Variants in PRKAR1B observed in about 807,000 individuals in gnomAD.
The protein encoded by PRKAR1B is protein kinase cAMP-dependent type I regulatory subunit beta.
A neutral mutation model predicts 46.5 loss-of-function variants in PRKAR1B; 22 were observed. That is an observed-to-expected ratio of 0.47 (90% CI 0.34 to 0.68). PRKAR1B has a LOEUF of 0.68. Among genes scored for constraint, PRKAR1B ranks in the 30% least tolerant of loss-of-function variants. The pLI is 0.01. For synonymous variants in PRKAR1B, 259 were observed against 217.7 expected (o/e 1.19, Z -1.67); for missense variants, 445 against 535.6 (o/e 0.83, Z 1.67).
At chr7:563,623 CTG>C (rs940070765) in intron 9 of PRKAR1B, among the ~76,000 whole-genome samples, 39 of 152,078 alleles carry the variant, frequency 2.6e-4, no homozygotes, top group South Asian at 6.3e-4. Context: ...TGTGTATGCA[CTG>C]TGTGTGTGCA....
chr7:679,374 C>T (rs529672000), intron 3 of PRKAR1B, among the ~76,000 whole-genome samples: 22 of 152,322 alleles, frequency 1.4e-4, no homozygotes, highest in African/African-American at 5.3e-4. Context: ...CCTCGTGTGC[C>T]GTGAGCAGGG....
chr7:579,472 T>A, intron 8 of PRKAR1B, 95 bp from the exon 9 acceptor site: 1 of 1,486,372 alleles, frequency 6.7e-7, no homozygotes, highest in Admixed American at 1.9e-5. Context: ...AAAGGTGTCC[T>A]CAGAAGCAAT....
chr7:575,880 G>T (rs966060395), intron 9 of PRKAR1B, among the ~76,000 whole-genome samples: 1 of 152,190 alleles, frequency 6.6e-6, no homozygotes, highest in Non-Finnish European at 1.5e-5. Context: ...CCCAACAGCC[G>T]CCTTTAATAC....
chr7:615,414 G>A (rs893867060), intron 4 of PRKAR1B, among the ~76,000 whole-genome samples: 5 of 149,158 alleles, frequency 3.4e-5, no homozygotes, highest in Non-Finnish European at 7.4e-5. Flanking sequence ...GACAGAGCGA[G>A]ACTCCGTCTC....
intron 6 of PRKAR1B, among the ~76,000 whole-genome samples, chr7:598,768 A>G (rs1436773022): frequency 6.6e-6 from 1 of 152,202 alleles, no homozygotes; most frequent in Non-Finnish European, 1.5e-5. Flanking sequence ...TTTGCTTGAC[A>G]TGGGAGAGCC....
chr7:560,941 T>G lies in PRKAR1B; in HGVS notation c.892-9471A>C, dbSNP rs541319533. 2.6e-5 allele frequency among the ~76,000 whole-genome samples: 4 copies of G among 152,308 alleles called. No individual in the cohort carries two copies. In the East Asian group the frequency reaches 7.7e-4, roughly 29 times the overall value. ...GAAAATTCAGGCTCACTCCAGTGCC[T>G]TTACGTTTCCTGTGCACACATTTCC... On this transcript the variant is annotated intron_variant, in intron 9 of 10. Coordinates refer to ENST00000537384, the MANE Select transcript of PRKAR1B (RefSeq NM_001164760.2). The surrounding 1 kb of genome is among the most constrained non-coding windows in gnomAD (Gnocchi z 4.2).
At chr7:568,185 C>G (rs1000426405) in intron 9 of PRKAR1B, among the ~76,000 whole-genome samples, 1 of 152,192 alleles carries the variant, frequency 6.6e-6, no homozygotes, top group Non-Finnish European at 1.5e-5. Flanking sequence ...GAGGTCACAG[C>G]CCCCCGTGCC....
intron 1 of PRKAR1B, among the ~76,000 whole-genome samples, chr7:716,034 T>TG (rs200263795): frequency 1.1e-5 from 1 of 90,320 alleles, no homozygotes; most frequent in Non-Finnish European, 2.4e-5. Context: ...TCTTTATATA[T>TG]TTTTTTTTTT....
At chr7:680,403 C>T (rs1358400390) in intron 3 of PRKAR1B, among the ~76,000 whole-genome samples, 153 bp downstream of exon 3, 1 of 152,182 alleles carries the variant, frequency 6.6e-6, no homozygotes, top group Non-Finnish European at 1.5e-5. Flanking sequence ...CCCAGAACTG[C>T]CTCTGCCATC....
chr7:610,351 G>T (rs930131797), intron 4 of PRKAR1B, among the ~76,000 whole-genome samples: 1 of 152,156 alleles, frequency 6.6e-6, no homozygotes, highest in Non-Finnish European at 1.5e-5. Flanking sequence ...ACACACCCAG[G>T]TGCCTGGGCG....
chr7:623,822 G>C (rs189463817), intron 4 of PRKAR1B, among the ~76,000 whole-genome samples: 1 of 152,328 alleles, frequency 6.6e-6, no homozygotes, highest in East Asian at 1.9e-4. Flanking sequence ...CTTGGCATTG[G>C]AGAGAGAAGC....
At chr7:645,255 G>C (rs989812334) in intron 4 of PRKAR1B, among the ~76,000 whole-genome samples, 1 of 152,136 alleles carries the variant, frequency 6.6e-6, no homozygotes, top group African/African-American at 2.4e-5. Flanking sequence ...CCGAAGACGC[G>C]GCAGGAGGGA....
rs542788695 is a variant in PRKAR1B, at chr7:667,816, T to G, written c.440+9413A>C. On this transcript the variant is annotated intron_variant, in intron 4 of 10. Coordinates refer to ENST00000537384, the MANE Select transcript of PRKAR1B (RefSeq NM_001164760.2). This position sits in a 1 kb window ranked among gnomAD's most constrained non-coding sequence, Gnocchi z 4.3. ...GACACTATGCCTCTCACAGATCCTG[T>G]GCAAAGGCCCAGGGAAACCCTTCGA... is the stretch of plus-strand genomic sequence containing the variant. Among the ~76,000 whole-genome samples, 2 of 152,294 alleles carry G rather than the reference T, an allele frequency of 1.3e-5. No homozygotes were observed. Among genetic ancestry groups the G allele is most frequent in the African/African-American group, 4.8e-5 (2 of 41,562 alleles).
At chr7:556,565 C>T (rs374407597) in intron 9 of PRKAR1B, among the ~76,000 whole-genome samples, 31 of 152,330 alleles carry the variant, frequency 2.0e-4, no homozygotes, top group South Asian at 1.4e-3. Flanking sequence ...ACTGCCAAGA[C>T]GGCCGGCAGG....
intron 2 of PRKAR1B, among the ~76,000 whole-genome samples, chr7:707,207 C>T (rs987277428): frequency 2.0e-5 from 3 of 152,218 alleles, no homozygotes; most frequent in South Asian, 2.1e-4. Context: ...ATGTAGAACA[C>T]GCATGCAACT....
intron 4 of PRKAR1B, among the ~76,000 whole-genome samples, chr7:627,969 G>A (rs753301985): frequency 3.4e-4 from 52 of 152,058 alleles, no homozygotes; most frequent in Non-Finnish European, 6.9e-4. Flanking sequence ...TCGAATGGGT[G>A]GGGCCCTTCT....
At position 726,627 on chromosome 7, in the gene PRKAR1B, G is replaced by A. The variant is rs1489510765; in HGVS notation, c.-23+583C>T. Reference sequence around the variant, plus strand: ...ACCGGCGGGGAGGAAGTAGCCCGGCGCCCCGCCCGCAGCGCGGACCGGAAG... The same window carrying A: ...ACCGGCGGGGAGGAAGTAGCCCGGCACCCCGCCCGCAGCGCGGACCGGAAG... On this transcript the variant is annotated intron_variant, in intron 1 of 10. Transcript: ENST00000537384. 1.6e-5 allele frequency: 16 copies of A among 1,006,392 alleles called. No homozygotes were observed. In the South Asian group the frequency reaches 6.5e-4, roughly 41 times the overall value. 62.3% of individuals were successfully genotyped at this position (1,006,392 alleles called of 1,614,324 possible). A position where few individuals can be genotyped will look rare whatever the true frequency, so the allele number is the denominator to read the frequency against.
At chr7:556,468 A>T (rs2128421922) in intron 9 of PRKAR1B, among the ~76,000 whole-genome samples, 1 of 152,348 alleles carries the variant, frequency 6.6e-6, no homozygotes, top group Middle Eastern at 3.4e-3. Flanking sequence ...GAACGGAGTC[A>T]CATAAAGGGG....
At position 711,525 on chromosome 7, in the gene PRKAR1B, T is replaced by G. The variant is rs1307321565; in HGVS notation, c.-20A>C. ...GGCCATGGCGAGGGTGGCTGCTTCC[T>G]TCCTGTCCAGAAAACACACAGATCC... On this transcript the variant is annotated splice_region_variant and 5_prime_UTR_variant, in exon 2 of 11. Coordinates refer to ENST00000537384, the MANE Select transcript of PRKAR1B (RefSeq NM_001164760.2). The G allele has an allele frequency of 6.2e-7, 1 of 1,610,986 alleles. No individual in the cohort carries two copies. The highest frequency in any genetic ancestry group is 8.5e-7 in the Non-Finnish European group (1 of 1,178,484).
Sources: allele counts gnomAD v4.1 joint callset (sites outside exome capture counted in the v4.1 genomes callset), GRCh38; gene constraint gnomAD v4.1.1; non-coding constraint Gnocchi (gnomAD v3.1); transcripts MANE v1.5; gene names NCBI Gene and HGNC (gene_info 2026-07-23, HGNC 2026-07-21).